The following LRRIQ1 variants were observed in gnomAD, a reference collection of about 807,000 sequenced individuals.
The protein encoded by LRRIQ1 is leucine-rich repeat- and IQ domain-containing protein 1.
LRRIQ1 carries 210 observed loss-of-function variants against 211.9 expected under a neutral mutation model. The ratio of observed to expected loss-of-function variants is 0.99; its 90% CI spans 0.89 to 1.11. The LOEUF is 1.11. Among genes scored for constraint, LRRIQ1 ranks in the 50% most tolerant of loss-of-function variants. The pLI, the probability that LRRIQ1 is intolerant of heterozygous loss-of-function variation, is 0.00. For missense variants in LRRIQ1, 2,136 were observed against 1,939.5 expected (o/e 1.10, Z -1.90); for synonymous variants, 699 against 650.1 (o/e 1.08, Z -1.14).
At chr12:85,261,826 G>T (rs976540119) in intron 1 of LRRIQ1, among the ~76,000 whole-genome samples, 1 of 147,872 alleles carries the variant, frequency 6.8e-6, no homozygotes, top group Non-Finnish European at 1.5e-5. Context: ...TTTGGCTCTT[G>T]TTGTCCAGGC....
rs1398859611 is a variant in LRRIQ1 at position 85,056,313 on chromosome 12, A to G, written c.1520A>G (p.Asp507Gly). ...VKQERKYENTDNKTELGNSDL... is the reference protein window; with the variant it reads ...VKQERKYENTGNKTELGNSDL... ...CAAGAAAGAAAATATGAAAATACAG[A>G]TAACAAAACTGAATTGGGAAACTCT... The change falls in exon 8 of 27, where the codon GAT (aspartate) becomes GGT (glycine). Residue 507 changes from aspartate (D) to glycine (G), a missense_variant. Physicochemically the swap from Asp to Gly is moderately conservative, Grantham distance 94. Coordinates refer to ENST00000393217, the MANE Select transcript of LRRIQ1 (RefSeq NM_001079910.2). The G allele has an allele frequency of 6.3e-7, 1 of 1,594,558 alleles. No homozygotes were observed. The highest frequency in any genetic ancestry group is 2.2e-5 in the East Asian group (1 of 44,512).
chr12:85,166,161 C>T (rs1419396636), intron 24 of LRRIQ1, among the ~76,000 whole-genome samples: 2 of 152,146 alleles, frequency 1.3e-5, no homozygotes, highest in Non-Finnish European at 2.9e-5. Flanking sequence ...AAATTTGCTA[C>T]TTCTAAAGTC....
chr12:85,096,179 T>C, intron 11 of LRRIQ1, among the ~76,000 whole-genome samples: 1 of 152,184 alleles, frequency 6.6e-6, no homozygotes, highest in East Asian at 1.9e-4. Context: ...GTGGTGATTT[T>C]AGTTATTTCT....
intron 11 of LRRIQ1, among the ~76,000 whole-genome samples, chr12:85,075,420 G>A (rs574504114): frequency 6.6e-6 from 1 of 152,162 alleles, no homozygotes; most frequent in South Asian, 2.1e-4. Context: ...ACTGACATCT[G>A]CTTGGCTTCT....
Position 85,056,524 on chromosome 12 carries a change from TAATC to T in LRRIQ1, c.1733_1736del (p.Asn578SerfsTer8). The T allele has an allele frequency of 1.2e-6, 2 of 1,611,478 alleles. No individual in the cohort carries two copies. Among genetic ancestry groups the T allele is most frequent in the Non-Finnish European group, 1.7e-6 (2 of 1,178,892 alleles). On this transcript the variant is annotated frameshift_variant, in exon 8 of 27. Coordinates refer to ENST00000393217, the MANE Select transcript of LRRIQ1 (RefSeq NM_001079910.2). LOFTEE classifies it high-confidence loss of function. ...ATGAAGAGCAGAAAATAATCAAAGA[TAATC>T]AGCAGAAAAAGATACAAAAAGTAGA...
At chr12:85,189,916 TTAA>T (rs1420680021) in intron 24 of LRRIQ1, among the ~76,000 whole-genome samples, 7 of 143,422 alleles carry the variant, frequency 4.9e-5, no homozygotes, top group South Asian at 2.1e-4. Context: ...GTAACTACAG[TTAA>T]TAATATAAAT....
chr12:85,268,209 T>C (rs544684905), downstream of LRRIQ1, among the ~76,000 whole-genome samples: 33 of 152,166 alleles, frequency 2.2e-4, no homozygotes, highest in South Asian at 3.1e-3. Flanking sequence ...AGATTTGTCT[T>C]GAAATGGAAG....
chr12:85,133,769 T>G (rs371907910), intron 18 of LRRIQ1, among the ~76,000 whole-genome samples: 1 of 152,292 alleles, frequency 6.6e-6, no homozygotes, highest in South Asian at 2.1e-4. Flanking sequence ...TACCTATTCC[T>G]AGAAGCCTGA....
At position 85,181,023 on chromosome 12, in the gene LRRIQ1, A is replaced by T. The variant is rs1290767223; in HGVS notation, c.4822+20309A>T. Among the ~76,000 whole-genome samples the T allele has an allele frequency of 2.2e-5, 3 of 138,066 alleles. No individual in the cohort carries two copies. The East Asian group carries it at 6.2e-4, about 28-fold the overall frequency. The allele number at this position is 138,066 out of a possible 152,430, so 90.6% of individuals were successfully genotyped here. A position where few individuals can be genotyped will look rare whatever the true frequency, so the allele number is the denominator to read the frequency against. On this transcript the variant is annotated intron_variant, in intron 24 of 26. Coordinates refer to ENST00000393217, the MANE Select transcript of LRRIQ1 (RefSeq NM_001079910.2). ...TTTTAGCTGGACAAATTTGATAAGC[A>T]GGTTTAATCCACATGTCTCAAGGTG...
rs779094390 is a variant in LRRIQ1 at position 85,166,745 on chromosome 12, C to T, written c.4822+6031C>T. Among the ~76,000 whole-genome samples, 8 of 152,238 alleles carry T rather than the reference C, an allele frequency of 5.3e-5. No homozygotes were observed. In the South Asian group the frequency reaches 1.0e-3, roughly 20 times the overall value. On this transcript the variant is annotated intron_variant, in intron 24 of 26. Transcript: ENST00000393217. ...GCAACAAAATACCTGAAGGCAGCCC[C>T]GTAAGAAGAGATGCTCATAATTTTA...
At chr12:85,087,334 A>G (rs907349208) in intron 11 of LRRIQ1, among the ~76,000 whole-genome samples, 1 of 152,208 alleles carries the variant, frequency 6.6e-6, no homozygotes, top group Non-Finnish European at 1.5e-5. Context: ...TTCTTAATCC[A>G]GTCTATCATT....
intron 15 of LRRIQ1, among the ~76,000 whole-genome samples, chr12:85,109,809 G>A (rs540555830): frequency 1.6e-4 from 24 of 152,186 alleles, no homozygotes; most frequent in Admixed American, 1.4e-3. Context: ...ACCCCATACT[G>A]TGTGATCCTG....
At chr12:85,123,126 G>C (rs17012589) in intron 16 of LRRIQ1, among the ~76,000 whole-genome samples, 33,308 of 151,826 alleles carry the variant, frequency 0.22, 4,326 homozygotes, top group Admixed American at 0.31. Flanking sequence ...CCAATGAAAT[G>C]AATGAAATAC....
chr12:85,143,106 C>G (rs938036313), intron 19 of LRRIQ1, among the ~76,000 whole-genome samples: 1 of 151,614 alleles, frequency 6.6e-6, no homozygotes, highest in Non-Finnish European at 1.5e-5. Context: ...TTGTCCACAT[C>G]CTTACCAGCA....
chr12:85,104,263 T>A (rs1886612123), intron 14 of LRRIQ1, among the ~76,000 whole-genome samples, 186 bp downstream of exon 14: 1 of 151,988 alleles, frequency 6.6e-6, no homozygotes, highest in Non-Finnish European at 1.5e-5. Context: ...TACTTCCACA[T>A]CTTTCTGGTA....
At chr12:85,135,649 T>C (rs923105992) in intron 18 of LRRIQ1, among the ~76,000 whole-genome samples, 1 of 152,034 alleles carries the variant, frequency 6.6e-6, no homozygotes, top group East Asian at 1.9e-4. Flanking sequence ...TCTCCAAAGG[T>C]CACCAAAATG....
At chr12:85,068,321 C>T (rs117769304) in intron 10 of LRRIQ1, among the ~76,000 whole-genome samples, 2,032 of 151,266 alleles carry the variant, frequency 0.013, 26 homozygotes, top group Non-Finnish European at 0.022. Context: ...TAGAAATAAG[C>T]TTAATTTCTG....
chr12:85,119,818 T>C (rs1172164941), intron 15 of LRRIQ1, among the ~76,000 whole-genome samples: 1 of 152,206 alleles, frequency 6.6e-6, no homozygotes, highest in Non-Finnish European at 1.5e-5. Context: ...GTATATATTC[T>C]TTAGTAAGGT....
At position 85,057,015 on chromosome 12, in the gene LRRIQ1, G is replaced by A; in HGVS notation, c.2222G>A (p.Arg741Lys). Reference protein sequence around the residue: ...ESTLLYSIEERRLAWIKSFKP... With the variant: ...ESTLLYSIEEKRLAWIKSFKP... The stretch of plus-strand genomic sequence containing the variant: ...ACCCTTCTATATTCTATTGAAGAAA[G>A]GAGACTAGCCTGGATAAAATCATTT... Residue 741 changes from arginine to lysine, a missense_variant, in exon 8 of 27, where the codon AGG becomes AAG. Coordinates refer to ENST00000393217, the MANE Select transcript of LRRIQ1 (RefSeq NM_001079910.2). 1 of 1,605,252 alleles carries A rather than the reference G, an allele frequency of 6.2e-7. No individual in the cohort carries two copies.
Sources: gnomAD v4.1 joint callset for allele counts (sites outside exome capture counted in the v4.1 genomes callset) on GRCh38, gnomAD v4.1.1 for gene constraint, MANE v1.5 for transcripts, NCBI Gene and HGNC (gene_info 2026-07-23, HGNC 2026-07-21) for gene names.